CSRP2: variants seen among roughly 807,000 people sequenced by gnomAD.
CSRP2 encodes the protein cysteine and glycine-rich protein 2.
CSRP2 carries 18 observed loss-of-function variants against 24.6 expected under a neutral mutation model. That is an observed-to-expected ratio of 0.73 (90% CI 0.51 to 1.09). CSRP2 has a LOEUF of 1.09. Ranked by LOEUF, CSRP2 falls within the 50% of genes least tolerant of loss-of-function variation. The pLI is 0.00. For synonymous variants in CSRP2, 87 were observed against 84.3 expected (o/e 1.03, Z -0.18); for missense variants, 215 against 239.4 (o/e 0.90, Z 0.67).
At position 76,860,286 on chromosome 12, in the gene CSRP2, T is replaced by C; in HGVS notation, c.409A>G (p.Lys137Glu). Reference protein sequence around the residue: ...YAAEKIIGAGKPWHKNCFRCA... With the variant: ...YAAEKIIGAGEPWHKNCFRCA... ...ATTAATTCCAAATAGCACTTTACCT[T>C]TCCAGCTCCAATTATCTTCTCGGCA... The change falls in exon 4 of 6, where the codon AAG (lysine) becomes GAG (glutamate). Residue 137 changes from lysine (K) to glutamate (E), a missense_variant and splice_region_variant. Coordinates refer to ENST00000311083, the MANE Select transcript of CSRP2 (RefSeq NM_001321.3). The C allele has an allele frequency of 6.2e-7, 1 of 1,613,620 alleles. No homozygotes were observed. Among genetic ancestry groups the C allele is most frequent in the Non-Finnish European group, 8.5e-7 (1 of 1,179,692 alleles).
intron 1 of CSRP2, among the ~76,000 whole-genome samples, chr12:76,874,321 CAG>C (rs1196878204): frequency 1.3e-5 from 2 of 152,186 alleles, no homozygotes; most frequent in Non-Finnish European, 2.9e-5. Flanking sequence ...ATAAAAGAAA[CAG>C]TGCGGAGCTT....
intron 2 of CSRP2, chr12:76,863,862 A>T (rs1449986682): frequency 6.6e-6 from 1 of 152,234 alleles, no homozygotes; most frequent in Non-Finnish European, 1.5e-5. Context: ...GCCTTCGGGG[A>T]CTTGCCTCTG....
At chr12:76,864,170 A>G (rs1953711762) in intron 2 of CSRP2, 1 of 152,180 alleles carries the variant, frequency 6.6e-6, no homozygotes, top group Non-Finnish European at 1.5e-5. Flanking sequence ...ACATTATTTC[A>G]TTTTCTAAAA....
At chr12:76,859,771 G>T (rs2071326) in intron 4 of CSRP2, 131 bp from the exon 5 acceptor site, 266,792 of 632,562 alleles carry the variant, frequency 0.42, 58,846 homozygotes, top group East Asian at 0.69. Flanking sequence ...CAGCTCCAAT[G>T]AGAAGGCTGA....
chr12:76,873,286 TA>T (rs1429313869), intron 1 of CSRP2, among the ~76,000 whole-genome samples: 6 of 152,326 alleles, frequency 3.9e-5, no homozygotes, highest in Non-Finnish European at 7.3e-5. Flanking sequence ...TTAAAGAATG[TA>T]AGTTAGTAGC....
At chr12:76,862,768 T>G in intron 3 of CSRP2, 1 of 1,370,188 alleles carries the variant, frequency 7.3e-7, no homozygotes, top group African/African-American at 1.5e-5. Context: ...GAAAAATGTT[T>G]ACATAGAAGG....
intron 1 of CSRP2, among the ~76,000 whole-genome samples, chr12:76,877,848 T>C (rs1006804317): frequency 1.3e-5 from 2 of 152,302 alleles, no homozygotes; most frequent in Admixed American, 6.5e-5. Context: ...GCTGTCCTAT[T>C]TGAATTCTTG....
intron 1 of CSRP2, among the ~76,000 whole-genome samples, chr12:76,871,235 C>T (rs937493675): frequency 2.0e-5 from 3 of 152,104 alleles, no homozygotes; most frequent in Non-Finnish European, 4.4e-5. Context: ...TAAGCAAATG[C>T]CTTGGCAGGA....
intron 4 of CSRP2, 137 bp downstream of exon 4, chr12:76,860,147 G>T: frequency 1.1e-6 from 1 of 887,870 alleles, no homozygotes; most frequent in Non-Finnish European, 1.7e-6. Flanking sequence ...GATTCTGATG[G>T]AAATGCATTT....
chr12:76,860,256 C>T (rs1304626273), intron 4 of CSRP2, 28 bp downstream of exon 4: 1 of 1,607,762 alleles, frequency 6.2e-7, no homozygotes. Context: ...AAGTCATTTG[C>T]TGTTATTAAT....
intron 3 of CSRP2, chr12:76,860,644 G>A: frequency 2.5e-6 from 1 of 392,644 alleles, no homozygotes; most frequent in Non-Finnish European, 4.6e-6. Flanking sequence ...ACCAGATAGG[G>A]ACCCAAACGT....
intron 3 of CSRP2, 50 bp downstream of exon 3, chr12:76,863,126 C>A: frequency 6.4e-7 from 1 of 1,563,294 alleles, no homozygotes; most frequent in Non-Finnish European, 8.7e-7. Flanking sequence ...GCAAGCGGCA[C>A]TAACTGTCGC....
At chr12:76,868,906 C>A (rs551644840) in intron 1 of CSRP2, among the ~76,000 whole-genome samples, 1 of 147,364 alleles carries the variant, frequency 6.8e-6, no homozygotes, top group South Asian at 2.2e-4. Flanking sequence ...GCACGCCAGC[C>A]TGGGCGACAG....
intron 1 of CSRP2, among the ~76,000 whole-genome samples, chr12:76,869,571 CACA>C (rs1953773851): frequency 6.8e-6 from 1 of 146,304 alleles, no homozygotes; most frequent in African/African-American, 2.6e-5. Context: ...CACACACACA[CACA>C]CACACCCCTG....
At chr12:76,859,370 T>A (rs1200703119) in intron 5 of CSRP2, 177 bp downstream of exon 5, 1 of 606,126 alleles carries the variant, frequency 1.6e-6, no homozygotes, top group African/African-American at 1.9e-5. Flanking sequence ...TGGGGAGTTT[T>A]AAATGATCAG....
At chr12:76,867,831 A>G (rs1025291967) in intron 1 of CSRP2, among the ~76,000 whole-genome samples, 5 of 152,318 alleles carry the variant, frequency 3.3e-5, no homozygotes, top group African/African-American at 1.2e-4. Context: ...GAAAAGATTA[A>G]AGAGTCTCCA....
intron 1 of CSRP2, among the ~76,000 whole-genome samples, chr12:76,872,604 A>G (rs990627613): frequency 6.6e-6 from 1 of 152,232 alleles, no homozygotes; most frequent in South Asian, 2.1e-4. Flanking sequence ...CTAAAAAGCT[A>G]GGGTGTGAGG....
At chr12:76,867,793 G>A (rs901060458) in intron 1 of CSRP2, among the ~76,000 whole-genome samples, 21 of 152,148 alleles carry the variant, frequency 1.4e-4, no homozygotes, top group African/African-American at 4.8e-4. Flanking sequence ...TGGCTAGAAA[G>A]AGAAGGGAAA....
rs73129323 is a variant in CSRP2 at position 76,873,118 on chromosome 12, G to A, written c.-2+5820C>T. Among the ~76,000 whole-genome samples, 1,342 of 152,198 alleles carry A rather than the reference G, an allele frequency of 8.8e-3. 12 individuals are homozygous for A. Among genetic ancestry groups the A allele is most frequent in the Non-Finnish European group, 0.014 (928 of 68,002 alleles). ...TTGAATTAGTCTATATTCTATATTT[G>A]CCCAGATTCTAAATGCCTCCAGAAG... On this transcript the variant is annotated intron_variant, in intron 1 of 5. Coordinates refer to ENST00000311083, the MANE Select transcript of CSRP2 (RefSeq NM_001321.3).
Sources: allele counts gnomAD v4.1 joint callset (sites outside exome capture counted in the v4.1 genomes callset), GRCh38; gene constraint gnomAD v4.1.1; transcripts MANE v1.5; gene names NCBI Gene and HGNC (gene_info 2026-07-23, HGNC 2026-07-21).